Variants in EXOC4 observed in about 807,000 individuals in gnomAD.
EXOC4 encodes the protein SEC8-like 1.
Under a neutral mutation model 107.2 loss-of-function variants are expected in EXOC4, and 71 were observed. That is an observed-to-expected ratio of 0.66 (90% confidence interval 0.55 to 0.81). EXOC4 has a LOEUF of 0.81. Among genes scored for constraint, EXOC4 ranks in the 30% least tolerant of loss-of-function variants. EXOC4 has a pLI of 0.00. For synonymous variants in EXOC4, 456 were observed against 441.2 expected (o/e 1.03, Z -0.42); for missense variants, 1,108 against 1,189.6 (o/e 0.93, Z 1.01).
chr7:133,342,170 T>G (rs995691733), intron 5 of EXOC4, among the ~76,000 whole-genome samples: 1 of 152,152 alleles, frequency 6.6e-6, no homozygotes, highest in Non-Finnish European at 1.5e-5. Flanking sequence ...TCTGTTTTGT[T>G]GTATTTTCAG....
chr7:133,468,660 C>T (rs917604408), intron 7 of EXOC4, among the ~76,000 whole-genome samples: 1 of 152,128 alleles, frequency 6.6e-6, no homozygotes, highest in Non-Finnish European at 1.5e-5. Context: ...TGCTTGGGCT[C>T]TTCCCTTGCT....
chr7:133,416,116 A>G (rs1797469327), intron 7 of EXOC4, among the ~76,000 whole-genome samples: 1 of 152,176 alleles, frequency 6.6e-6, no homozygotes. Context: ...TTTAGGAGCA[A>G]GGTTCAAAAT....
chr7:133,895,320 C>T (rs1340172136), intron 11 of EXOC4: 2 of 335,542 alleles, frequency 6.0e-6, no homozygotes, highest in South Asian at 2.6e-5. Context: ...TGGCCTGCGC[C>T]CACTGTCTGG....
At chr7:133,621,297 C>T (rs1477368281) in intron 9 of EXOC4, among the ~76,000 whole-genome samples, 1 of 152,126 alleles carries the variant, frequency 6.6e-6, no homozygotes, top group Non-Finnish European at 1.5e-5. Context: ...AACCAAGAGA[C>T]TACCTCAAAA....
At chr7:134,056,201 A>C (rs1448529637) in intron 17 of EXOC4, among the ~76,000 whole-genome samples, 1 of 152,182 alleles carries the variant, frequency 6.6e-6, no homozygotes, top group Non-Finnish European at 1.5e-5. Flanking sequence ...AAAAATCAGA[A>C]AGACTCTCTA....
intron 2 of EXOC4, among the ~76,000 whole-genome samples, chr7:133,287,153 T>C (rs1306935967): frequency 6.6e-6 from 1 of 152,182 alleles, no homozygotes; most frequent in East Asian, 1.9e-4. Flanking sequence ...TTATTTGCTG[T>C]TCTTCCTCTC....
chr7:133,924,548 T>C (rs1482568723), intron 13 of EXOC4, among the ~76,000 whole-genome samples: 1 of 152,198 alleles, frequency 6.6e-6, no homozygotes, highest in East Asian at 1.9e-4. Context: ...GCTCACTGAG[T>C]TGTATCACTT....
At chr7:133,604,020 T>G (rs1425611653) in intron 9 of EXOC4, among the ~76,000 whole-genome samples, 1 of 139,916 alleles carries the variant, frequency 7.1e-6, no homozygotes, top group Non-Finnish European at 1.6e-5. Flanking sequence ...TTTTTTTTTC[T>G]TTTTAAACTT....
intron 14 of EXOC4, among the ~76,000 whole-genome samples, chr7:133,974,656 A>G (rs930554219): frequency 6.6e-6 from 1 of 152,204 alleles, no homozygotes; most frequent in African/African-American, 2.4e-5. Context: ...ATAGAGTGAA[A>G]CAAGAGTTCT....
chr7:133,896,844 T>TTTTTTTTTTTTTTTTTTTTTGAGACGG (rs1198817578), intron 12 of EXOC4, among the ~76,000 whole-genome samples: 1 of 87,808 alleles, frequency 1.1e-5, no homozygotes, highest in African/African-American at 1.2e-4. Context: ...TTTGTATTTT[T>TTTTTTTTTTTTTTTTTTTTTGAGACGG]AGTAGAGATG....
chr7:134,089,908 T>C, the EXOC4 span, among the ~76,000 whole-genome samples: 2 of 152,180 alleles, frequency 1.3e-5, no homozygotes, highest in Admixed American at 6.6e-5. Context: ...GAACAATTTT[T>C]AAAAGTCAAA....
intron 9 of EXOC4, among the ~76,000 whole-genome samples, chr7:133,573,553 C>T (rs907222468): frequency 3.9e-5 from 6 of 152,144 alleles, no homozygotes; most frequent in African/African-American, 9.7e-5. Context: ...TGTGGTAATA[C>T]GCCCCAAAGT....
At chr7:133,931,671 A>G (rs1178712999) in intron 13 of EXOC4, among the ~76,000 whole-genome samples, 2 of 152,170 alleles carry the variant, frequency 1.3e-5, no homozygotes, top group Non-Finnish European at 2.9e-5. Context: ...TCAAAACATA[A>G]TAAATCTCTC....
Position 133,340,434 on chromosome 7 carries a change from T to C in EXOC4, c.764-15896T>C, listed in dbSNP as rs944025868. Among the ~76,000 whole-genome samples, 3 of 151,776 alleles carry C rather than the reference T, an allele frequency of 2.0e-5. 1 individual carries two copies. Among genetic ancestry groups the C allele is most frequent in the Admixed American group, 6.6e-5 (1 of 15,256 alleles). ...TAGCTAGTATTTTTCTTTTTTTTTT[T>C]TTTTTGAGGATTTTTGTATCTGTGT... On this transcript the variant is annotated intron_variant, in intron 5 of 17. Coordinates refer to ENST00000253861, the MANE Select transcript of EXOC4 (RefSeq NM_021807.4).
At chr7:133,351,312 C>G (rs1795904425) in intron 5 of EXOC4, among the ~76,000 whole-genome samples, 1 of 151,912 alleles carries the variant, frequency 6.6e-6, no homozygotes, top group Admixed American at 6.6e-5. Context: ...CCAGTGAAGC[C>G]ATCAGGTCTA....
chr7:133,932,147 T>C (rs1800191942), intron 13 of EXOC4, among the ~76,000 whole-genome samples: 3 of 152,208 alleles, frequency 2.0e-5, no homozygotes, highest in Non-Finnish European at 4.4e-5. Context: ...AGAGACAGTT[T>C]GCGGGGATTC....
chr7:133,475,266 T>G (rs1798983509), intron 7 of EXOC4, 62 bp from the exon 8 acceptor site: 1 of 1,388,618 alleles, frequency 7.2e-7, no homozygotes, highest in Non-Finnish European at 1.0e-6. Flanking sequence ...TTAAAATAGT[T>G]TTTCTTAATT....
chr7:134,097,769 G>A, the EXOC4 span, among the ~76,000 whole-genome samples: 1 of 152,242 alleles, frequency 6.6e-6, no homozygotes, highest in Non-Finnish European at 1.5e-5. Context: ...GCCTCCCTAG[G>A]GATAGACACT....
intron 14 of EXOC4, among the ~76,000 whole-genome samples, chr7:133,945,756 G>A (rs1800535604): frequency 6.6e-6 from 1 of 152,142 alleles, no homozygotes; most frequent in African/African-American, 2.4e-5. Context: ...CATTCCCGAT[G>A]GTGACTTAAT....
Sources: allele counts gnomAD v4.1 joint callset (sites outside exome capture counted in the v4.1 genomes callset), GRCh38; gene constraint gnomAD v4.1.1; transcripts MANE v1.5; gene names NCBI Gene and HGNC (gene_info 2026-07-23, HGNC 2026-07-21).